PSG7: variants seen among roughly 807,000 people sequenced by gnomAD.
The protein encoded by PSG7 is pregnancy-specific beta-1-glycoprotein 7.
A neutral mutation model predicts 45.6 loss-of-function variants in PSG7; 57 were observed. That is an observed-to-expected ratio of 1.25 (90% CI 1.01 to 1.56). The LOEUF (loss-of-function observed/expected upper bound fraction) is 1.56, where lower values mean the gene tolerates loss of function less well. PSG7 is among the 40% of genes most tolerant of loss of function. The pLI, the probability that PSG7 is intolerant of heterozygous loss-of-function variation, is 0.00. For missense variants in PSG7, 796 were observed against 508.4 expected, an observed-to-expected ratio of 1.57 and a Z score of -5.44; for synonymous variants, 298 against 194.4, an observed-to-expected ratio of 1.53 and a Z score of -4.43.
chr19:42,926,310 C>A (rs763956970), intron 4 of PSG7, 128 bp downstream of exon 4: 2 of 1,527,866 alleles, frequency 1.3e-6, no homozygotes, highest in Non-Finnish European at 1.8e-6. Flanking sequence ...ATGGCCAGCT[C>A]GGATGTCCAG....
intron 2 of PSG7, among the ~76,000 whole-genome samples, chr19:42,934,198 G>T (rs1170812936): frequency 6.6e-6 from 1 of 151,344 alleles, no homozygotes; most frequent in Non-Finnish European, 1.5e-5. Flanking sequence ...TAAGATCTGA[G>T]GGGGAGACCT....
At chr19:42,934,348 A>C (rs1212662620) in intron 2 of PSG7, among the ~76,000 whole-genome samples, 2 of 151,340 alleles carry the variant, frequency 1.3e-5, no homozygotes, top group African/African-American at 4.9e-5. Flanking sequence ...ATAAATGAGT[A>C]TGGGGTGCTT....
chr19:42,927,070 G>C (rs115414361), intron 3 of PSG7: 2 of 336,586 alleles, frequency 5.9e-6, no homozygotes, highest in Non-Finnish European at 1.1e-5. Context: ...ATGTGCAACT[G>C]CTGGGCCCTT....
intron 3 of PSG7, 28 bp downstream of exon 3, chr19:42,929,414 G>A (rs781179081): frequency 6.2e-7 from 1 of 1,612,086 alleles, no homozygotes; most frequent in South Asian, 1.1e-5. Context: ...ATGGCAGCCT[G>A]GCTAACAGAG....
intron 1 of PSG7, chr19:42,936,122 C>G (rs1295450183): frequency 4.0e-6 from 1 of 250,392 alleles, no homozygotes; most frequent in Non-Finnish European, 7.6e-6. Flanking sequence ...CCTTAGACTT[C>G]TTTCCTGACA....
rs62110915 is a variant in PSG7 at position 42,931,641 on chromosome 19, G to C, written c.431-1921C>G. ...AGGCTAAGTGAGATGGCAATGGCTC[G>C]TGTGTCTCCCCACACGAAGAACTCC... is the stretch of plus-strand genomic sequence containing the variant. On this transcript the variant is annotated intron_variant, in intron 2 of 5. Transcript: ENST00000406070. Among the ~76,000 whole-genome samples the C allele has an allele frequency of 4.3e-3, 649 of 151,398 alleles. 18 individuals are homozygous for C. Among genetic ancestry groups the C allele is most frequent in the Middle Eastern group, 0.014 (4 of 292 alleles).
At chr19:42,935,283 C>T (rs970636013) in intron 2 of PSG7, 121 bp downstream of exon 2, 6 of 1,489,066 alleles carry the variant, frequency 4.0e-6, no homozygotes, top group Non-Finnish European at 5.5e-6. Flanking sequence ...ATGCCCAAAC[C>T]CCAGCATGGG....
At position 42,926,618 on chromosome 19, in the gene PSG7, T is replaced by G. The variant is rs1256173075; in HGVS notation, c.808A>C (p.Thr270Pro). ...TGACCATTTAGCCACCAAATGTAGG[T>G]GTAGTTCTCACTCTTAGGTTCACAG... ...FTCEPKSENY[T>P]YIWWLNGQSL... is the part of the protein sequence containing the mutation. Residue 270 changes from threonine (T) to proline (P), a missense_variant, in exon 4 of 6, where the codon ACC (threonine) becomes CCC (proline). Physicochemically the swap from Thr to Pro is conservative, Grantham distance 38. Coordinates refer to ENST00000406070, the MANE Select transcript of PSG7 (RefSeq NM_002783.3). The G allele has an allele frequency of 6.2e-7, 1 of 1,610,118 alleles. No individual in the cohort carries two copies. The highest frequency in any genetic ancestry group is 1.1e-5 in the South Asian group (1 of 90,534).
intron 1 of PSG7, among the ~76,000 whole-genome samples, 185 bp from the exon 2 acceptor site, chr19:42,935,954 T>A (rs1380937663): frequency 6.6e-6 from 1 of 150,896 alleles, no homozygotes; most frequent in Admixed American, 6.6e-5. Flanking sequence ...TGTGTGTTTC[T>A]GTGTGTGTCC....
chr19:42,935,799 T>C lies in PSG7; in HGVS notation c.65-30A>G, dbSNP rs367581125. ...GAGGTGGAGAGAGCATCAGTCAATA[T>C]TGAGACCTATGTGTTGGGTTGAAAA... On this transcript the variant is annotated intron_variant, in intron 1 of 5. Transcript: ENST00000406070. 1.2e-5 allele frequency: 19 copies of C among 1,589,790 alleles called. 1 individual carries two copies. Among genetic ancestry groups the C allele is most frequent in the Non-Finnish European group, 1.6e-5 (19 of 1,168,774 alleles).
intron 2 of PSG7, among the ~76,000 whole-genome samples, chr19:42,933,307 A>ATATATATATATATATTT (rs56691588): frequency 3.0e-4 from 4 of 13,506 alleles, no homozygotes; most frequent in Non-Finnish European, 4.8e-4. Flanking sequence ...ATATATATAT[A>ATATATATATATATATTT]TTTTTTTTTT....
Position 42,937,023 on chromosome 19 carries a change from G to A in PSG7, c.54C>T (p.Leu18=), listed in dbSNP as rs753769456. ...PCTQHITWKG[L]LLTASLLNFW... Reference sequence around the variant, plus strand: ...AAGTTCTCTCCTCACCTGTGAGCAGGAGCCCTTTCCAGGTTATATGCTGTG... The same window carrying A: ...AAGTTCTCTCCTCACCTGTGAGCAGAAGCCCTTTCCAGGTTATATGCTGTG... Residue 18 remains leucine (L), a synonymous_variant, in exon 1 of 6, where the codon CTC becomes CTT. Transcript: ENST00000406070. 1 of 1,611,420 alleles carries A rather than the reference G, an allele frequency of 6.2e-7. No homozygotes were observed. Among genetic ancestry groups the A allele is most frequent in the Non-Finnish European group, 8.5e-7 (1 of 1,178,518 alleles).
intron 2 of PSG7, among the ~76,000 whole-genome samples, chr19:42,930,106 C>A (rs1185055064): frequency 6.6e-6 from 1 of 151,640 alleles, no homozygotes; most frequent in Non-Finnish European, 1.5e-5. Flanking sequence ...CTTACTTTGC[C>A]CCCTGTGGTA....
intron 3 of PSG7, 147 bp from the exon 4 acceptor site, chr19:42,926,863 G>A: frequency 7.1e-7 from 1 of 1,406,792 alleles, no homozygotes; most frequent in East Asian, 2.3e-5. Context: ...CAAGGTAGAT[G>A]CATGATGATC....
intron 2 of PSG7, among the ~76,000 whole-genome samples, chr19:42,931,237 T>G (rs897893267): frequency 2.0e-5 from 3 of 151,688 alleles, no homozygotes; most frequent in Non-Finnish European, 2.9e-5. Context: ...TCCAAACATC[T>G]AAGATCAATT....
At chr19:42,933,297 A>ATTTTT (rs1399711757) in intron 2 of PSG7, among the ~76,000 whole-genome samples, 2 of 13,244 alleles carry the variant, frequency 1.5e-4, no homozygotes, top group African/African-American at 4.0e-4. Flanking sequence ...ATATATATAT[A>ATTTTT]TATATATATA....
In PSG7 at chr19:42,935,584, C is replaced by A; in HGVS notation, c.250G>T (p.Val84Leu). 2 of 1,612,070 alleles carry A rather than the reference C, an allele frequency of 1.2e-6. No individual in the cohort carries two copies. The highest frequency in any genetic ancestry group is 1.7e-5 in the Admixed American group (1 of 59,828). ...DLYHYVTSYI[V>L]DGQIIKYGPA... ...CCATATTTAATTATTTGACCGTCTA[C>A]TATATATGATGTAACATAATGGTAG... is the stretch of plus-strand genomic sequence containing the variant. Residue 84 changes from valine (V) to leucine (L), a missense_variant, in exon 2 of 6, where the codon GTA becomes TTA. By Grantham distance (32) the Val-to-Leu change is conservative. Transcript: ENST00000406070.
intron 1 of PSG7, chr19:42,936,071 C>T (rs1428507619): frequency 5.0e-6 from 2 of 402,026 alleles, no homozygotes; most frequent in Admixed American, 8.1e-5. Context: ...TCCGCACGGC[C>T]CCCTCCACAC....
At chr19:42,932,534 C>G (rs141455503) in intron 2 of PSG7, among the ~76,000 whole-genome samples, 1 of 151,298 alleles carries the variant, frequency 6.6e-6, no homozygotes, top group Non-Finnish European at 1.5e-5. Flanking sequence ...GAACTGCAGG[C>G]CCTTCCAGCC....
Sources: gnomAD v4.1 joint callset for allele counts (sites outside exome capture counted in the v4.1 genomes callset) on GRCh38, gnomAD v4.1.1 for gene constraint, MANE v1.5 for transcripts, NCBI Gene and HGNC (gene_info 2026-07-23, HGNC 2026-07-21) for gene names.